PPP2R3A: variants seen among roughly 807,000 people sequenced by gnomAD.
PPP2R3A encodes the protein serine/threonine-protein phosphatase 2A regulatory subunit B'' subunit alpha.
A neutral mutation model predicts 106.9 loss-of-function variants in PPP2R3A; 80 were observed. That is an observed-to-expected ratio of 0.75 (90% CI 0.62 to 0.90). The LOEUF is 0.90. Among genes scored for constraint, PPP2R3A ranks in the 40% least tolerant of loss-of-function variants. PPP2R3A has a pLI of 0.00. For missense variants in PPP2R3A, 1,386 were observed against 1,350.4 expected (o/e 1.03, Z -0.41); for synonymous variants, 483 against 468.3 (o/e 1.03, Z -0.41).
At chr3:136,007,367 C>T (rs1933885375) in intron 2 of PPP2R3A, among the ~76,000 whole-genome samples, 1 of 152,190 alleles carries the variant, frequency 6.6e-6, no homozygotes, top group Non-Finnish European at 1.5e-5. Context: ...CATCCCTTTC[C>T]CTGCTTTTTG....
intron 10 of PPP2R3A, among the ~76,000 whole-genome samples, chr3:136,092,538 A>G (rs548081165): frequency 6.6e-6 from 1 of 152,334 alleles, no homozygotes; most frequent in South Asian, 2.1e-4. Flanking sequence ...CTATGGAAAT[A>G]CAAAGGGACC....
At chr3:136,101,657 C>A (rs1332008637) in intron 10 of PPP2R3A, among the ~76,000 whole-genome samples, 2 of 152,098 alleles carry the variant, frequency 1.3e-5, no homozygotes, top group African/African-American at 2.4e-5. Context: ...AACTCCTGAC[C>A]TGAAGTGATC....
chr3:136,124,504 G>C (rs1456017372), intron 13 of PPP2R3A, among the ~76,000 whole-genome samples: 1 of 151,944 alleles, frequency 6.6e-6, no homozygotes, highest in Non-Finnish European at 1.5e-5. Context: ...GAAAACATAT[G>C]GGATGTTTTC....
chr3:135,969,005 C>T (rs1339499667), intron 1 of PPP2R3A, among the ~76,000 whole-genome samples: 1 of 151,952 alleles, frequency 6.6e-6, no homozygotes, highest in Non-Finnish European at 1.5e-5. Flanking sequence ...AACAGTGCTA[C>T]GAATATGCTG....
chr3:136,102,342 C>CTTTTTT (rs397874378), intron 11 of PPP2R3A, among the ~76,000 whole-genome samples, 160 bp downstream of exon 11: 2 of 116,032 alleles, frequency 1.7e-5, no homozygotes, highest in African/African-American at 3.1e-5. Flanking sequence ...AGTGTAGCAA[C>CTTTTTT]TTTTTTTTTT....
At chr3:136,004,791 C>G (rs1476830237) in intron 2 of PPP2R3A, among the ~76,000 whole-genome samples, 1 of 152,024 alleles carries the variant, frequency 6.6e-6, no homozygotes, top group Non-Finnish European at 1.5e-5. Flanking sequence ...TAGTATTAGT[C>G]ATATTTTACT....
intron 1 of PPP2R3A, among the ~76,000 whole-genome samples, chr3:135,971,153 T>TATA (rs1256685161): frequency 6.6e-6 from 1 of 152,212 alleles, no homozygotes; most frequent in African/African-American, 2.4e-5. Flanking sequence ...CTTGATATTA[T>TATA]AGCTTAATTT....
intron 2 of PPP2R3A, among the ~76,000 whole-genome samples, chr3:136,019,089 G>T (rs1934375060): frequency 6.6e-6 from 1 of 152,202 alleles, no homozygotes; most frequent in African/African-American, 2.4e-5. Flanking sequence ...GGTCCAGATA[G>T]GACTGCCTGT....
chr3:136,087,245 G>GTCTCTCTCTCTCTCTCTCTCTCTCTCTC, intron 8 of PPP2R3A, among the ~76,000 whole-genome samples: 1 of 75,128 alleles, frequency 1.3e-5, no homozygotes, highest in Admixed American at 1.8e-4. Context: ...CTCTAGTCGT[G>GTCTCTCTCTCTCTCTCTCTCTCTCTCTC]TCTCTCTCTC....
intron 10 of PPP2R3A, among the ~76,000 whole-genome samples, chr3:136,099,377 G>A (rs1937299703): frequency 6.6e-6 from 1 of 151,834 alleles, no homozygotes; most frequent in Non-Finnish European, 1.5e-5. Context: ...AGATAACTTG[G>A]ATGAAACAGA....
chr3:136,119,282 G>A (rs1252686642), intron 13 of PPP2R3A, among the ~76,000 whole-genome samples: 1 of 152,146 alleles, frequency 6.6e-6, no homozygotes, highest in Non-Finnish European at 1.5e-5. Context: ...AGAAAACCTA[G>A]GCAGTACCAT....
rs1380841979 is a variant in PPP2R3A at position 136,078,603 on chromosome 3, G to C, written c.2631+150G>C. ...ATCAAATACCTGTCGTGGGATGCTG[G>C]AATGTTTTGGGTGAGGGGGTAAAAA... On this transcript the variant is annotated intron_variant, in intron 7 of 13. Transcript: ENST00000264977. 4.8e-6 allele frequency: 3 copies of C among 623,218 alleles called. No homozygotes were observed. The African/African-American group carries it at 5.6e-5, about 12-fold the overall frequency. The allele number at this position is 623,218 out of a possible 1,614,324, so 38.6% of individuals were successfully genotyped here. A position where few individuals can be genotyped will look rare whatever the true frequency, so the allele number is the denominator to read the frequency against.
chr3:136,121,829 A>G (rs971077777), intron 13 of PPP2R3A, among the ~76,000 whole-genome samples: 1 of 152,192 alleles, frequency 6.6e-6, no homozygotes, highest in Non-Finnish European at 1.5e-5. Context: ...TATTTTCACT[A>G]AACTGTAATT....
At chr3:136,030,848 G>A (rs1401114379) in intron 3 of PPP2R3A, among the ~76,000 whole-genome samples, 2 of 147,176 alleles carry the variant, frequency 1.4e-5, no homozygotes, top group Admixed American at 6.8e-5. Context: ...ACACACACAT[G>A]CCCCAGTTTA....
At chr3:136,010,943 G>A (rs1037911732) in intron 2 of PPP2R3A, among the ~76,000 whole-genome samples, 3 of 152,086 alleles carry the variant, frequency 2.0e-5, no homozygotes, top group Non-Finnish European at 4.4e-5. Flanking sequence ...CATACCAGTT[G>A]AGTTAACACT....
At chr3:136,060,242 T>C (rs977016932) in intron 5 of PPP2R3A, among the ~76,000 whole-genome samples, 12 of 152,350 alleles carry the variant, frequency 7.9e-5, no homozygotes, top group Middle Eastern at 3.4e-3. Context: ...GATGACATTA[T>C]GTTAAGTGAA....
intron 3 of PPP2R3A, among the ~76,000 whole-genome samples, chr3:136,032,529 TA>T (rs1418839970): frequency 4.5e-4 from 66 of 146,368 alleles, no homozygotes; most frequent in African/African-American, 1.5e-3. Flanking sequence ...TTTATTTATT[TA>T]TTTTTTTTTT....
At chr3:136,082,081 C>CA (rs1385870455) in intron 7 of PPP2R3A, among the ~76,000 whole-genome samples, 184 bp from the exon 8 acceptor site, 4 of 152,050 alleles carry the variant, frequency 2.6e-5, no homozygotes, top group African/African-American at 9.7e-5. Flanking sequence ...TTACAGAGCT[C>CA]AGTAAATGCT....
rs1284072763 is a variant in PPP2R3A, at chr3:136,056,675, A to AT, written c.2469+7324dup. On this transcript the variant is annotated intron_variant, in intron 5 of 13. Transcript: ENST00000264977. Reference sequence around the variant, plus strand: ...CTGCGTGACACTCGTCTTAGCATTGATTTTTTTTTTGGATATGAACCCAAA... The same window carrying AT: ...CTGCGTGACACTCGTCTTAGCATTGATTTTTTTTTTTGGATATGAACCCAAA... Among the ~76,000 whole-genome samples, 332 of 150,104 alleles carry AT rather than the reference A, an allele frequency of 2.2e-3. 3 individuals are homozygous for AT. Among genetic ancestry groups the AT allele is most frequent in the African/African-American group, 2.0e-3 (83 of 41,018 alleles).
Sources: allele counts gnomAD v4.1 joint callset (sites outside exome capture counted in the v4.1 genomes callset), GRCh38; gene constraint gnomAD v4.1.1; transcripts MANE v1.5; gene names NCBI Gene and HGNC (gene_info 2026-07-23, HGNC 2026-07-21).